The following MGMT variants were observed in gnomAD, a reference collection of about 807,000 sequenced individuals.
The protein encoded by MGMT is methylated-DNA--protein-cysteine methyltransferase.
Under a neutral mutation model 15.9 loss-of-function variants are expected in MGMT, and 14 were observed. The observed-to-expected ratio is 0.88, with a 90% confidence interval of 0.58 to 1.37. The LOEUF is 1.37. Ranked by LOEUF, MGMT falls within the 40% of genes most tolerant of loss-of-function variation. The probability of loss-of-function intolerance (pLI) is 0.00; values close to 1 mark genes in which losing one functional copy is unlikely to be tolerated. For synonymous variants in MGMT, 130 were observed against 118.2 expected, an observed-to-expected ratio of 1.10 and a Z score of -0.65; for missense variants, 282 against 268.1, an observed-to-expected ratio of 1.05 and a Z score of -0.36.
At chr10:129,558,318 G>A (rs960736911) in intron 2 of MGMT, among the ~76,000 whole-genome samples, 1 of 152,166 alleles carries the variant, frequency 6.6e-6, no homozygotes, top group South Asian at 2.1e-4. Flanking sequence ...CTAATAGTAC[G>A]ATGAACCACA....
chr10:129,706,266 G>A (rs1393176964), intron 2 of MGMT, among the ~76,000 whole-genome samples: 1 of 152,216 alleles, frequency 6.6e-6, no homozygotes, highest in African/African-American at 2.4e-5. Flanking sequence ...TCCATGGACT[G>A]GCCGTGCATA....
chr10:129,546,201 G>A (rs942517221), intron 2 of MGMT, among the ~76,000 whole-genome samples: 1 of 152,248 alleles, frequency 6.6e-6, no homozygotes, highest in African/African-American at 2.4e-5. Flanking sequence ...GCCAGAATGT[G>A]CAGCCCCACC....
intron 4 of MGMT, among the ~76,000 whole-genome samples, chr10:129,760,854 C>T (rs964851745): frequency 1.3e-5 from 2 of 152,170 alleles, no homozygotes; most frequent in Non-Finnish European, 2.9e-5. Flanking sequence ...GTTTTGGTGA[C>T]AGTGGCTGGT....
intron 3 of MGMT, among the ~76,000 whole-genome samples, chr10:129,722,566 C>G (rs1848384065): frequency 6.6e-6 from 1 of 152,150 alleles, no homozygotes; most frequent in Non-Finnish European, 1.5e-5. Context: ...CTTACATTAC[C>G]TGGTTTCAAG....
At chr10:129,706,384 T>C (rs1358964463) in intron 2 of MGMT, among the ~76,000 whole-genome samples, 1 of 152,132 alleles carries the variant, frequency 6.6e-6, no homozygotes, top group African/African-American at 2.4e-5. Context: ...CAGAGCAGCA[T>C]GGGTGTGTCG....
At position 129,618,464 on chromosome 10, in the gene MGMT, T is replaced by C. The variant is rs192375235; in HGVS notation, c.125+82087T>C. 2.1e-3 allele frequency among the ~76,000 whole-genome samples: 327 copies of C among 152,164 alleles called. 1 individual carries two copies. Among genetic ancestry groups the C allele is most frequent in the African/African-American group, 7.5e-3 (310 of 41,568 alleles). ...AAGTTCTCCAAATTTCGTTGTTTTTTCCACAATTGTTTTGGCTCTTCTTAG... is the reference window on the plus strand; with the variant it reads ...AAGTTCTCCAAATTTCGTTGTTTTTCCCACAATTGTTTTGGCTCTTCTTAG... On this transcript the variant is annotated intron_variant, in intron 2 of 4. Transcript: ENST00000651593.
At chr10:129,728,521 T>C (rs1301092323) in intron 3 of MGMT, among the ~76,000 whole-genome samples, 1 of 152,124 alleles carries the variant, frequency 6.6e-6, no homozygotes, top group African/African-American at 2.4e-5. Flanking sequence ...TAAATTCTGC[T>C]TGGTCTCCTG....
chr10:129,759,463 A>T, intron 4 of MGMT, 122 bp downstream of exon 4: 2 of 1,426,130 alleles, frequency 1.4e-6, no homozygotes, highest in East Asian at 4.6e-5. Context: ...CAGAGGGGCG[A>T]TATCTGTGAT....
intron 4 of MGMT, among the ~76,000 whole-genome samples, chr10:129,766,352 G>A (rs1848934532): frequency 6.6e-6 from 1 of 152,230 alleles, no homozygotes; most frequent in African/African-American, 2.4e-5. Context: ...GCCCGTGCAG[G>A]TACGGTCTTC....
intron 2 of MGMT, among the ~76,000 whole-genome samples, chr10:129,652,930 GCT>G (rs1365115697): frequency 6.6e-6 from 1 of 152,228 alleles, no homozygotes; most frequent in African/African-American, 2.4e-5. Context: ...TGTGCTGGCA[GCT>G]CTGTCTTCCA....
chr10:129,754,375 AC>A (rs1848782130), intron 3 of MGMT, among the ~76,000 whole-genome samples: 1 of 152,164 alleles, frequency 6.6e-6, no homozygotes, highest in African/African-American at 2.4e-5. Context: ...AAGAGCAAAG[AC>A]ATTTCGCCCA....
intron 2 of MGMT, among the ~76,000 whole-genome samples, chr10:129,620,076 A>G (rs2133074821): frequency 6.6e-6 from 1 of 152,326 alleles, no homozygotes; most frequent in Admixed American, 6.5e-5. Flanking sequence ...TGGAGGACAG[A>G]GACATTGGAG....
chr10:129,744,475 C>T (rs1167686471), intron 3 of MGMT, among the ~76,000 whole-genome samples: 1 of 152,258 alleles, frequency 6.6e-6, no homozygotes, highest in African/African-American at 2.4e-5. Flanking sequence ...CACCCACTGG[C>T]TGGCCAAGCA....
intron 1 of MGMT, among the ~76,000 whole-genome samples, chr10:129,522,198 C>T (rs1376177452): frequency 6.6e-6 from 1 of 152,198 alleles, no homozygotes; most frequent in African/African-American, 2.4e-5. Flanking sequence ...TTACTCAGAT[C>T]TTCTTGGCAG....
intron 2 of MGMT, among the ~76,000 whole-genome samples, chr10:129,584,438 TG>T (rs1846594767): frequency 8.3e-6 from 1 of 119,914 alleles, no homozygotes; most frequent in Non-Finnish European, 2.0e-5. Flanking sequence ...AGGCTTAATT[TG>T]TTTTTTTTTT....
chr10:129,744,186 G>A (rs1348139471), intron 3 of MGMT, among the ~76,000 whole-genome samples: 3 of 152,196 alleles, frequency 2.0e-5, no homozygotes, highest in Admixed American at 6.5e-5. Context: ...TTGCTTAGGG[G>A]TCAGTGAGCG....
At chr10:129,629,872 A>G (rs1847190982) in intron 2 of MGMT, among the ~76,000 whole-genome samples, 2 of 152,222 alleles carry the variant, frequency 1.3e-5, no homozygotes, top group Admixed American at 1.3e-4. Context: ...CCTAGTGAGC[A>G]CAGAATTACC....
intron 2 of MGMT, among the ~76,000 whole-genome samples, chr10:129,646,754 A>ATATATATATTTTTTTTTTTTTTTTT: frequency 5.7e-4 from 49 of 86,584 alleles, no homozygotes; most frequent in Non-Finnish European, 1.0e-3. Context: ...ATATATATAT[A>ATATATATATTTTTTTTTTTTTTTTT]TTTTCAGGGA....
chr10:129,709,110 T>C (rs538117846), intron 3 of MGMT, among the ~76,000 whole-genome samples: 71 of 152,344 alleles, frequency 4.7e-4, no homozygotes, highest in African/African-American at 1.7e-3. Flanking sequence ...CTCTGAATCA[T>C]ACAGAACTGT....
Sources: gnomAD v4.1 joint callset for allele counts (sites outside exome capture counted in the v4.1 genomes callset) on GRCh38, gnomAD v4.1.1 for gene constraint, MANE v1.5 for transcripts, NCBI Gene and HGNC (gene_info 2026-07-23, HGNC 2026-07-21) for gene names.